PFKFB4: variants seen among roughly 807,000 people sequenced by gnomAD.
PFKFB4 encodes 6-phosphofructo-2-kinase/fructose-2,6-bisphosphatase 4.
In PFKFB4, 42 loss-of-function variants were observed where a neutral mutation model predicts 62.8. The observed-to-expected ratio is 0.67, with a 90% CI of 0.52 to 0.86. PFKFB4 has a LOEUF of 0.86. PFKFB4 is among the 40% of genes least tolerant of loss of function. The pLI is 0.00. For synonymous variants in PFKFB4, 204 were observed against 240.7 expected (o/e 0.85, Z 1.41); for missense variants, 475 against 627.2 (o/e 0.76, Z 2.59).
At chr3:48,538,212 A>G (rs1007203253) in intron 7 of PFKFB4, among the ~76,000 whole-genome samples, 5 of 152,196 alleles carry the variant, frequency 3.3e-5, no homozygotes, top group African/African-American at 1.2e-4. Context: ...TTTGACAGAA[A>G]ATATTTGCCA....
chr3:48,534,415 CATACTGAG>C (rs2042525717), intron 9 of PFKFB4, among the ~76,000 whole-genome samples: 1 of 151,818 alleles, frequency 6.6e-6, no homozygotes, highest in Non-Finnish European at 1.5e-5. Flanking sequence ...TAAAGAAAAC[CATACTGAG>C]ATACATCATA....
intron 9 of PFKFB4, among the ~76,000 whole-genome samples, chr3:48,527,844 T>C (rs1362490226): frequency 6.6e-6 from 1 of 151,930 alleles, no homozygotes; most frequent in Non-Finnish European, 1.5e-5. Flanking sequence ...CAGGCCACCA[T>C]GGCTGGCTAA....
At chr3:48,535,089 G>A (rs2042551410) in intron 9 of PFKFB4, among the ~76,000 whole-genome samples, 1 of 152,174 alleles carries the variant, frequency 6.6e-6, no homozygotes, top group Non-Finnish European at 1.5e-5. Context: ...GATTACAAGG[G>A]TGAGCCACCG....
Position 48,550,347 on chromosome 3 carries a change from C to T in PFKFB4, c.98-113G>A. On this transcript the variant is annotated intron_variant, in intron 1 of 13. Coordinates refer to ENST00000232375, the MANE Select transcript of PFKFB4 (RefSeq NM_004567.4). The stretch of plus-strand genomic sequence containing the variant: ...GGCATGGGACTGGCATCAGACGTAT[C>T]TTCTTGGCTTCCTAGCATCCCCACA... The T allele has an allele frequency of 4.2e-6, 3 of 718,912 alleles. No individual in the cohort carries two copies. In the South Asian group the frequency reaches 4.8e-5, roughly 12 times the overall value. 44.5% of individuals were successfully genotyped at this position (718,912 alleles called of 1,614,324 possible).
chr3:48,519,806 TC>T lies in PFKFB4; in HGVS notation c.1351-1del. 1 of 1,613,106 alleles carries T rather than the reference TC, an allele frequency of 6.2e-7. No individual in the cohort carries two copies. Among genetic ancestry groups the T allele is most frequent in the Non-Finnish European group, 8.5e-7 (1 of 1,179,176 alleles). On this transcript the variant is annotated splice_acceptor_variant, in intron 13 of 13. Coordinates refer to ENST00000232375, the MANE Select transcript of PFKFB4 (RefSeq NM_004567.4). LOFTEE classifies it high-confidence loss of function. ...TCTGGAGGTCTTGAGATGTCCACGT[TC>T]TGTACAATAAAAACACAGAGCGTTC...
Position 48,519,501 on chromosome 3 carries a change from A to G in PFKFB4, c.*246T>C. 1 of 507,272 alleles carries G rather than the reference A, an allele frequency of 2.0e-6. No homozygotes were observed. The highest frequency in any genetic ancestry group is 3.5e-6 in the Non-Finnish European group (1 of 282,094). The allele number at this position is 507,272 out of a possible 1,614,324, so 31.4% of individuals were successfully genotyped here. On this transcript the variant is annotated 3_prime_UTR_variant, in exon 14 of 14. Transcript: ENST00000232375. ...AACTGGGGCTGGGCAACCTCCGCGC[A>G]GCCCATGCAGATGCAGTCTGGTCAA...
chr3:48,562,593 T>C, upstream of PFKFB4: 4 of 615,958 alleles, frequency 6.5e-6, no homozygotes, highest in South Asian at 6.2e-5. This position sits in a 1 kb window ranked among gnomAD's most constrained non-coding sequence, Gnocchi z 4.3. Context: ...ACTGTGACTC[T>C]GTGGGGCACT....
chr3:48,532,488 T>C (rs2042459741), intron 9 of PFKFB4, among the ~76,000 whole-genome samples: 1 of 152,174 alleles, frequency 6.6e-6, no homozygotes, highest in Admixed American at 6.5e-5. Flanking sequence ...TGTCCAAGTG[T>C]CCATTGGCAG....
At chr3:48,562,433 C>T (rs1321321952), upstream of PFKFB4, 1 of 296,418 alleles carries the variant, frequency 3.4e-6, no homozygotes, top group Non-Finnish European at 6.3e-6. The surrounding 1 kb of genome is among the most constrained non-coding windows in gnomAD (Gnocchi z 4.3). Context: ...GGCACCCAGA[C>T]ATAGCAAGAC....
At chr3:48,551,505 T>TCAC (rs1165882520) in intron 1 of PFKFB4, among the ~76,000 whole-genome samples, 1 of 113,570 alleles carries the variant, frequency 8.8e-6, no homozygotes, top group Non-Finnish European at 1.7e-5. Context: ...GTGTGAGCCA[T>TCAC]CACCTCCAGC....
At chr3:48,543,991 G>GCCCCCC (rs532957386) in intron 3 of PFKFB4, among the ~76,000 whole-genome samples, 1 of 145,264 alleles carries the variant, frequency 6.9e-6, no homozygotes, top group Admixed American at 6.9e-5. Context: ...ATCAAAATAA[G>GCCCCCC]CCCCCCCCCG....
At chr3:48,540,961 G>C (rs1313204212) in intron 4 of PFKFB4, among the ~76,000 whole-genome samples, 2 of 151,910 alleles carry the variant, frequency 1.3e-5, no homozygotes, top group African/African-American at 4.8e-5. Context: ...ATTTTTAGTA[G>C]AGACGAGGTT....
chr3:48,544,674 T>C (rs1227110532), intron 3 of PFKFB4, among the ~76,000 whole-genome samples: 5 of 151,940 alleles, frequency 3.3e-5, no homozygotes, highest in Admixed American at 3.3e-4. Context: ...ACAATCTTTT[T>C]AAGTTCTCAG....
Position 48,519,815 on chromosome 3 carries a change from TA to T in PFKFB4, c.1351-10del. 1 of 1,612,044 alleles carries T rather than the reference TA, an allele frequency of 6.2e-7. No individual in the cohort carries two copies. The highest frequency in any genetic ancestry group is 8.5e-7 in the Non-Finnish European group (1 of 1,178,222). On this transcript the variant is annotated splice_polypyrimidine_tract_variant and intron_variant, in intron 13 of 13. Transcript: ENST00000232375. Reference sequence around the variant, plus strand: ...CTTGAGATGTCCACGTTCTGTACAATAAAAACACAGAGCGTTCACTCCATGG... The same window carrying T: ...CTTGAGATGTCCACGTTCTGTACAATAAAACACAGAGCGTTCACTCCATGG...
intron 10 of PFKFB4, among the ~76,000 whole-genome samples, chr3:48,524,330 G>A (rs2042190597): frequency 1.3e-5 from 2 of 152,214 alleles, no homozygotes; most frequent in South Asian, 4.1e-4. Context: ...GTGATGTACG[G>A]TTTAGGCCCC....
At chr3:48,536,493 G>A (rs2042621563) in intron 7 of PFKFB4, 30 bp from the exon 8 acceptor site, 1 of 1,565,954 alleles carries the variant, frequency 6.4e-7, no homozygotes, top group Non-Finnish European at 8.8e-7. Flanking sequence ...AAAGAGGCCT[G>A]TGAGCGTGGC....
chr3:48,538,731 T>C (rs2042708490), intron 6 of PFKFB4, 112 bp from the exon 7 acceptor site: 4 of 1,370,840 alleles, frequency 2.9e-6, no homozygotes, highest in Admixed American at 4.2e-5. Context: ...CGGAGACCAG[T>C]GCGGGAACCT....
upstream of PFKFB4, chr3:48,559,752 C>G (rs2043403427): frequency 2.5e-6 from 1 of 396,254 alleles, no homozygotes; most frequent in Admixed American, 2.7e-5. Flanking sequence ...CCCTGGTTGG[C>G]TCCCAGGGTG....
intron 3 of PFKFB4, among the ~76,000 whole-genome samples, chr3:48,546,810 A>G (rs1391120291): frequency 6.6e-6 from 1 of 152,224 alleles, no homozygotes; most frequent in East Asian, 1.9e-4. Context: ...CAGGGTGCCT[A>G]TATGACCAGC....
Sources: gnomAD v4.1 joint callset for allele counts (sites outside exome capture counted in the v4.1 genomes callset) on GRCh38, gnomAD v4.1.1 for gene constraint, Gnocchi (gnomAD v3.1) non-coding constraint, MANE v1.5 for transcripts, NCBI Gene and HGNC (gene_info 2026-07-23, HGNC 2026-07-21) for gene names.